Variants in SULT1E1 observed in about 807,000 individuals in gnomAD.
The protein encoded by SULT1E1 is sulfotransferase family 1E member 1.
In SULT1E1, 36 loss-of-function variants were observed where a neutral mutation model predicts 33.6. The observed-to-expected ratio is 1.07, with a 90% CI of 0.82 to 1.41. SULT1E1 has a LOEUF of 1.41. Among genes scored for constraint, SULT1E1 ranks in the 40% most tolerant of loss-of-function variants. The pLI, the probability that SULT1E1 is intolerant of heterozygous loss-of-function variation, is 0.00. For synonymous variants in SULT1E1, 121 were observed against 111.7 expected, an observed-to-expected ratio of 1.08 and a Z score of -0.53; for missense variants, 371 against 345.7, an observed-to-expected ratio of 1.07 and a Z score of -0.58.
chr4:69,849,798 C>G (rs571409146), intron 4 of SULT1E1, among the ~76,000 whole-genome samples: 2 of 151,774 alleles, frequency 1.3e-5, no homozygotes, highest in Non-Finnish European at 2.9e-5. Flanking sequence ...CATTATTATG[C>G]CATTTTCACA....
intron 2 of SULT1E1, 69 bp downstream of exon 2, chr4:69,857,431 A>T: frequency 6.6e-7 from 1 of 1,513,524 alleles, no homozygotes; most frequent in South Asian, 1.4e-5. Flanking sequence ...CGACATGAAC[A>T]CCTTAATATT....
chr4:69,831,519 A>T, the SULT1E1 span, among the ~76,000 whole-genome samples: 4 of 152,292 alleles, frequency 2.6e-5, no homozygotes, highest in South Asian at 2.1e-4. Context: ...AACTGACACC[A>T]ATAGAGGGCT....
chr4:69,852,558 A>G (rs958454167), intron 4 of SULT1E1, among the ~76,000 whole-genome samples: 8 of 152,146 alleles, frequency 5.3e-5, no homozygotes, highest in African/African-American at 1.9e-4. Flanking sequence ...GGCCTCAGTT[A>G]TTTATATTAT....
chr4:69,855,298 T>G lies in SULT1E1; in HGVS notation c.271+3A>C. 1 of 1,611,158 alleles carries G rather than the reference T, an allele frequency of 6.2e-7. No individual in the cohort carries two copies. Among genetic ancestry groups the G allele is most frequent in the Non-Finnish European group, 8.5e-7 (1 of 1,178,592 alleles). ...TAGTTTTTAAAATCAACTTGAACGTTACCATTCATGAGGTTTTCTTTTCTG... is the reference window on the plus strand; with the variant it reads ...TAGTTTTTAAAATCAACTTGAACGTGACCATTCATGAGGTTTTCTTTTCTG... On this transcript the variant is annotated splice_donor_region_variant and intron_variant, in intron 3 of 7. Coordinates refer to ENST00000226444, the MANE Select transcript of SULT1E1 (RefSeq NM_005420.3).
At chr4:69,828,149 G>A in the SULT1E1 span, among the ~76,000 whole-genome samples, 1 of 152,182 alleles carries the variant, frequency 6.6e-6, no homozygotes, top group Admixed American at 6.5e-5. Context: ...CTTGACACTG[G>A]TGAGGCCTTC....
chr4:69,855,553 C>A, intron 2 of SULT1E1, 127 bp from the exon 3 acceptor site: 1 of 776,864 alleles, frequency 1.3e-6, no homozygotes, highest in Non-Finnish European at 1.9e-6. Context: ...GTCTGAATAG[C>A]CACAGACTCA....
At chr4:69,840,089 A>G (rs543669220), downstream of SULT1E1, among the ~76,000 whole-genome samples, 13 of 152,336 alleles carry the variant, frequency 8.5e-5, no homozygotes, top group South Asian at 2.7e-3. Flanking sequence ...CACATAAAAA[A>G]TGTAAAACAA....
chr4:69,859,552 AG>A (rs1472446557), intron 1 of SULT1E1, among the ~76,000 whole-genome samples: 1 of 152,152 alleles, frequency 6.6e-6, no homozygotes, highest in Non-Finnish European at 1.5e-5. Context: ...CTACTAAGTA[AG>A]GATTCACAGA....
At chr4:69,830,230 C>T in the SULT1E1 span, among the ~76,000 whole-genome samples, 1 of 152,202 alleles carries the variant, frequency 6.6e-6, no homozygotes, top group Non-Finnish European at 1.5e-5. Context: ...CAGCCTTTTT[C>T]TTAAGCCTTC....
At chr4:69,828,904 T>C in the SULT1E1 span, among the ~76,000 whole-genome samples, 1 of 152,208 alleles carries the variant, frequency 6.6e-6, no homozygotes, top group Non-Finnish European at 1.5e-5. Context: ...ATCAATGTAC[T>C]GGAGCAAGAC....
chr4:69,832,781 C>A, the SULT1E1 span, among the ~76,000 whole-genome samples: 2 of 152,202 alleles, frequency 1.3e-5, no homozygotes, highest in East Asian at 1.9e-4. Context: ...AACCTACAAT[C>A]ATTAACTATA....
rs980735189 is a variant in SULT1E1 at position 69,841,386 on chromosome 4, G to A, written c.*608C>T. 4 of 152,014 alleles carry A rather than the reference G, an allele frequency of 2.6e-5. No individual in the cohort carries two copies. Among genetic ancestry groups the A allele is most frequent in the Non-Finnish European group, 5.9e-5 (4 of 67,994 alleles). 9.4% of individuals were successfully genotyped at this position (152,014 alleles called of 1,614,324 possible). ...TAAGAGATGATAGTAGGAAAAAAAA[G>A]TTTCTTATTTCTCATATGCATGTAC... is the stretch of plus-strand genomic sequence containing the variant. On this transcript the variant is annotated 3_prime_UTR_variant, in exon 8 of 8. Transcript: ENST00000226444.
chr4:69,838,985 A>C (rs961108261), downstream of SULT1E1, among the ~76,000 whole-genome samples: 3 of 152,234 alleles, frequency 2.0e-5, no homozygotes, highest in African/African-American at 7.2e-5. Context: ...ATTTATATCA[A>C]CACGGATGCT....
chr4:69,851,363 A>C (rs1390458341), intron 4 of SULT1E1, among the ~76,000 whole-genome samples: 2 of 152,224 alleles, frequency 1.3e-5, no homozygotes, highest in African/African-American at 4.8e-5. Flanking sequence ...GCCAACAGAC[A>C]CATGAAAAAA....
At chr4:69,850,358 T>C (rs1721076432) in intron 4 of SULT1E1, among the ~76,000 whole-genome samples, 1 of 152,084 alleles carries the variant, frequency 6.6e-6, no homozygotes, top group South Asian at 2.1e-4. Flanking sequence ...ACTTAGGCCC[T>C]CAGGCACCTA....
chr4:69,844,206 G>T lies in SULT1E1; in HGVS notation c.727C>A (p.Pro243Thr), dbSNP rs1027244955. The T allele has an allele frequency of 3.8e-5, 62 of 1,613,878 alleles. No individual in the cohort carries two copies. The highest frequency in any genetic ancestry group is 5.3e-5 in the African/African-American group (4 of 75,016). Residue 243 changes from proline (P) to threonine (T), a missense_variant, in exon 7 of 8, where the codon CCA becomes ACA. By Grantham distance (38) the Pro-to-Thr change is conservative. Transcript: ENST00000226444. ...AATTTCTGGTTCATAATTTCGTCTGGCAGTGTTGTGTAATTTGTGGATGGA... is the reference window on the plus strand; with the variant it reads ...AATTTCTGGTTCATAATTTCGTCTGTCAGTGTTGTGTAATTTGTGGATGGA... ...NNPSTNYTTL[P>T]DEIMNQKLSP...
At chr4:69,856,249 C>T (rs1009134677) in intron 2 of SULT1E1, among the ~76,000 whole-genome samples, 1 of 152,164 alleles carries the variant, frequency 6.6e-6, no homozygotes, top group Non-Finnish European at 1.5e-5. Flanking sequence ...AGTTGGGGCT[C>T]AGGCAAGCAG....
chr4:69,837,348 T>A (rs1246879744), downstream of SULT1E1, among the ~76,000 whole-genome samples: 3 of 151,992 alleles, frequency 2.0e-5, no homozygotes, highest in African/African-American at 7.2e-5. Flanking sequence ...ATAGCAATGA[T>A]CAATAAAATA....
chr4:69,824,251 A>G, the SULT1E1 span, among the ~76,000 whole-genome samples: 1 of 152,200 alleles, frequency 6.6e-6, no homozygotes, highest in Admixed American at 6.5e-5. Context: ...CAAGGAGGCC[A>G]TCCAAGTGCC....
Sources: allele counts gnomAD v4.1 joint callset (sites outside exome capture counted in the v4.1 genomes callset), GRCh38; gene constraint gnomAD v4.1.1; transcripts MANE v1.5; gene names NCBI Gene and HGNC (gene_info 2026-07-23, HGNC 2026-07-21).